The following NXPE4 variants were observed in gnomAD, a reference collection of about 807,000 sequenced individuals.
The protein encoded by NXPE4 is neurexophilin and PC-esterase domain family member 4, also known as NXPE family member 4.
NXPE4 carries 42 observed loss-of-function variants against 33.3 expected under a neutral mutation model. That is an observed-to-expected ratio of 1.26 (90% confidence interval 0.98 to 1.63). The LOEUF is 1.63. Ranked by LOEUF, NXPE4 falls within the 40% of genes most tolerant of loss-of-function variation. The probability of loss-of-function intolerance (pLI) is 0.00; values close to 1 mark genes in which losing one functional copy is unlikely to be tolerated. For synonymous variants in NXPE4, 253 were observed against 234.9 expected (o/e 1.08, Z -0.71); for missense variants, 709 against 647.6 (o/e 1.09, Z -1.03).
At position 114,582,882 on chromosome 11, in the gene NXPE4, A is replaced by G; in HGVS notation, c.236T>C (p.Leu79Pro). The stretch of plus-strand genomic sequence containing the variant: ...AGGTCTGGGTGGGATCTGCTGATCT[A>G]GTTTCTCTATGATTTCCTTTATTCT... ...ELRIKEIIEK[L>P]DQQIPPRPFT... is the part of the protein sequence containing the mutation. The change falls in exon 3 of 6, where the codon CTA becomes CCA. Residue 79 changes from leucine (L) to proline (P), a missense_variant. Leu to Pro is a moderately conservative substitution (Grantham distance 98). Transcript: ENST00000375478. 1 of 1,614,030 alleles carries G rather than the reference A, an allele frequency of 6.2e-7. No homozygotes were observed. Among genetic ancestry groups the G allele is most frequent in the Non-Finnish European group, 8.5e-7 (1 of 1,179,988 alleles).
At chr11:114,595,324 C>A (rs943792891) in intron 1 of NXPE4, among the ~76,000 whole-genome samples, 1 of 152,062 alleles carries the variant, frequency 6.6e-6, no homozygotes, top group Non-Finnish European at 1.5e-5. Context: ...AAATTTCAGG[C>A]TTTATCAGTA....
chr11:114,633,502 G>A, the NXPE4 span, among the ~76,000 whole-genome samples: 3 of 150,196 alleles, frequency 2.0e-5, no homozygotes, highest in Non-Finnish European at 4.4e-5. Flanking sequence ...TAGGGTACAT[G>A]TGCACAATGT....
At chr11:114,658,814 A>G in the NXPE4 span, among the ~76,000 whole-genome samples, 1 of 152,172 alleles carries the variant, frequency 6.6e-6, no homozygotes, top group African/African-American at 2.4e-5. Context: ...TAACACGAAC[A>G]GAAGACCTAC....
chr11:114,663,390 T>A, the NXPE4 span, among the ~76,000 whole-genome samples: 1 of 152,096 alleles, frequency 6.6e-6, no homozygotes, highest in African/African-American at 2.4e-5. Context: ...TAGGACTAAA[T>A]GGTTGCAGGT....
intron 5 of NXPE4, among the ~76,000 whole-genome samples, chr11:114,579,142 G>A (rs896745603): frequency 2.0e-5 from 3 of 152,136 alleles, no homozygotes; most frequent in African/African-American, 7.2e-5. Flanking sequence ...TAGTCATGGC[G>A]GAAGGGAAGG....
the NXPE4 span, among the ~76,000 whole-genome samples, chr11:114,610,412 A>G: frequency 6.6e-6 from 1 of 151,932 alleles, no homozygotes; most frequent in Non-Finnish European, 1.5e-5. Flanking sequence ...TCCAGGGAAT[A>G]ATACCTATTG....
chr11:114,615,261 T>C, the NXPE4 span, among the ~76,000 whole-genome samples: 6 of 151,952 alleles, frequency 3.9e-5, no homozygotes, highest in African/African-American at 7.3e-5. Context: ...GGATTATAAG[T>C]ATTTCCTTGT....
chr11:114,610,771 C>A, the NXPE4 span, among the ~76,000 whole-genome samples: 1 of 152,042 alleles, frequency 6.6e-6, no homozygotes, highest in East Asian at 1.9e-4. Context: ...TTGTCGGTAA[C>A]CACTGTTACC....
At chr11:114,633,167 A>T in the NXPE4 span, among the ~76,000 whole-genome samples, 2 of 127,398 alleles carry the variant, frequency 1.6e-5, no homozygotes, top group Non-Finnish European at 3.1e-5. Flanking sequence ...ATTTTATTTT[A>T]TATAATTTAT....
the NXPE4 span, among the ~76,000 whole-genome samples, chr11:114,669,380 C>T: frequency 1.3e-5 from 2 of 152,042 alleles, no homozygotes; most frequent in South Asian, 4.1e-4. Flanking sequence ...CTGGCAGGTG[C>T]AATCAAGAAG....
At chr11:114,609,079 C>T in the NXPE4 span, among the ~76,000 whole-genome samples, 722 of 150,722 alleles carry the variant, frequency 4.8e-3, 9 homozygotes, top group African/African-American at 0.016. Context: ...CACTGTTATC[C>T]GGTGGATAAT....
At chr11:114,593,064 A>G (rs1591356100) in intron 2 of NXPE4, among the ~76,000 whole-genome samples, 1 of 152,298 alleles carries the variant, frequency 6.6e-6, no homozygotes, top group South Asian at 2.1e-4. Flanking sequence ...GACCCAAAGT[A>G]TGAAAATACT....
chr11:114,584,134 T>A (rs1304808802), intron 2 of NXPE4: 1 of 291,882 alleles, frequency 3.4e-6, no homozygotes, highest in Non-Finnish European at 6.8e-6. Context: ...TCAACCTGCC[T>A]ATGTTATTGA....
chr11:114,617,328 C>A, the NXPE4 span, among the ~76,000 whole-genome samples: 1 of 151,980 alleles, frequency 6.6e-6, no homozygotes, highest in Non-Finnish European at 1.5e-5. Flanking sequence ...TCGTGGGTAA[C>A]CACTCTTACC....
At chr11:114,621,136 T>C in the NXPE4 span, among the ~76,000 whole-genome samples, 2 of 150,898 alleles carry the variant, frequency 1.3e-5, no homozygotes, top group African/African-American at 2.4e-5. Flanking sequence ...TAAGTATTGT[T>C]TCATGGGTAA....
upstream of NXPE4, among the ~76,000 whole-genome samples, chr11:114,596,602 C>T (rs1189577155): frequency 2.6e-5 from 4 of 152,164 alleles, no homozygotes; most frequent in Admixed American, 2.6e-4. Context: ...AACAATACTT[C>T]TTTATGTCTT....
intron 2 of NXPE4, 55 bp from the exon 3 acceptor site, chr11:114,583,076 T>G: frequency 6.5e-7 from 1 of 1,530,876 alleles, no homozygotes; most frequent in Non-Finnish European, 8.8e-7. Flanking sequence ...ATATCTGAAC[T>G]GAAATGACAG....
chr11:114,626,373 C>A, the NXPE4 span, among the ~76,000 whole-genome samples: 1 of 152,184 alleles, frequency 6.6e-6, no homozygotes, highest in Non-Finnish European at 1.5e-5. Context: ...TGACCCCTGA[C>A]CCCCGAGCAG....
At chr11:114,623,987 G>A in the NXPE4 span, among the ~76,000 whole-genome samples, 3 of 152,142 alleles carry the variant, frequency 2.0e-5, no homozygotes, top group African/African-American at 4.8e-5. Context: ...TGCCTCGTGG[G>A]TAACCACTGT....
Sources: gnomAD v4.1 joint callset for allele counts (sites outside exome capture counted in the v4.1 genomes callset) on GRCh38, gnomAD v4.1.1 for gene constraint, MANE v1.5 for transcripts, NCBI Gene and HGNC (gene_info 2026-07-23, HGNC 2026-07-21) for gene names.